The following ARHGEF17 variants were observed in gnomAD, a reference collection of about 807,000 sequenced individuals.
The protein encoded by ARHGEF17 is 164 kDa Rho-specific guanine-nucleotide exchange factor.
ARHGEF17 carries 80 observed loss-of-function variants against 174.0 expected under a neutral mutation model. That is an observed-to-expected ratio of 0.46 (90% CI 0.38 to 0.55). ARHGEF17 has a LOEUF of 0.55. Among genes scored for constraint, ARHGEF17 ranks in the 20% least tolerant of loss-of-function variants. The probability of loss-of-function intolerance (pLI) is 0.00; values close to 1 mark genes in which losing one functional copy is unlikely to be tolerated. For synonymous variants in ARHGEF17, 1,311 were observed against 1,189.1 expected, an observed-to-expected ratio of 1.10 and a Z score of -2.11; for missense variants, 2,886 against 2,839.7, an observed-to-expected ratio of 1.02 and a Z score of -0.37.
chr11:73,340,981 A>T (rs1022740603), intron 1 of ARHGEF17, among the ~76,000 whole-genome samples: 1 of 152,194 alleles, frequency 6.6e-6, no homozygotes, highest in South Asian at 2.1e-4. Context: ...TCTGCCTCTC[A>T]GTCAGTAACT....
At chr11:73,315,170 G>A (rs1164141754) in intron 1 of ARHGEF17, among the ~76,000 whole-genome samples, 5 of 152,192 alleles carry the variant, frequency 3.3e-5, no homozygotes, top group Admixed American at 2.0e-4. Context: ...AGATTGGCCT[G>A]CCATCTGAGT....
Position 73,363,742 on chromosome 11 carries a change from C to A in ARHGEF17, c.5247-5C>A, listed in dbSNP as rs1865788944. 7.4e-6 allele frequency: 12 copies of A among 1,613,924 alleles called. 1 individual carries two copies. In the East Asian group the frequency reaches 2.7e-4, roughly 36 times the overall value. On this transcript the variant is annotated splice_region_variant and splice_polypyrimidine_tract_variant and intron_variant, in intron 15 of 20. Coordinates refer to ENST00000263674, the MANE Select transcript of ARHGEF17 (RefSeq NM_014786.4). ...TTTGTCCCAGGTGCATACCCCGATC[C>A]ACAGTGTCCACGTGTACCAGTCCTC...
At position 73,363,376 on chromosome 11, in the gene ARHGEF17, C is replaced by T; in HGVS notation, c.5167C>T (p.Arg1723Trp). The change falls in exon 15 of 21, where the codon CGG becomes TGG. Residue 1723 changes from arginine to tryptophan, a missense_variant. By Grantham distance (101) the Arg-to-Trp change is moderately radical (BLOSUM62 -3). Coordinates refer to ENST00000263674, the MANE Select transcript of ARHGEF17 (RefSeq NM_014786.4). ...CCGCTCCAGCCACGGCTCCTTCACC[C>T]GGGGCAGCCTTGAGGACCTGCTGAG... Reference protein sequence around the residue: ...LRRSSHGSFTRGSLEDLLSVD... With the variant: ...LRRSSHGSFTWGSLEDLLSVD... 2.5e-6 allele frequency: 4 copies of T among 1,613,144 alleles called. No homozygotes were observed. The highest frequency in any genetic ancestry group is 3.4e-6 in the Non-Finnish European group (4 of 1,179,884).
chr11:73,354,750 A>G (rs1865609440), intron 3 of ARHGEF17, among the ~76,000 whole-genome samples: 1 of 151,632 alleles, frequency 6.6e-6, no homozygotes, highest in African/African-American at 2.4e-5. Context: ...TCTGAGGGGT[A>G]CAGAAATATC....
At position 73,362,044 on chromosome 11, in the gene ARHGEF17, C is replaced by G. The variant is rs887767761; in HGVS notation, c.4499C>G (p.Ser1500Cys). The G allele has an allele frequency of 6.2e-7, 1 of 1,611,658 alleles. No homozygotes were observed. The highest frequency in any genetic ancestry group is 1.1e-5 in the South Asian group (1 of 91,036). Residue 1500 changes from serine to cysteine, a missense_variant, in exon 13 of 21, where the codon TCC becomes TGC. Transcript: ENST00000263674. ...IMKTRSGMQF[S>C]CAAPTLNSCP... ...GTCCATTGGCGCCTCCTGCAGTTCT[C>G]CTGTGCGGCTCCCACCCTGAACAGC... is the stretch of plus-strand genomic sequence containing the variant.
chr11:73,362,975 G>A lies in ARHGEF17; in HGVS notation c.4997-231G>A, dbSNP rs150531059. On this transcript the variant is annotated intron_variant, in intron 14 of 20. Coordinates refer to ENST00000263674, the MANE Select transcript of ARHGEF17 (RefSeq NM_014786.4). ...GGAAGATGGGGTGCTGGTGGAGTGG[G>A]GACCCACGGTGTGGCCACTGGGTCT... 6.9e-3 allele frequency among the ~76,000 whole-genome samples: 1,047 copies of A among 152,330 alleles called. 17 individuals carry two copies. The highest frequency in any genetic ancestry group is 0.024 in the African/African-American group (1,006 of 41,574).
chr11:73,364,909 C>G, intron 18 of ARHGEF17: 1 of 359,220 alleles, frequency 2.8e-6, no homozygotes, highest in South Asian at 4.8e-5. Flanking sequence ...TGTCAACATC[C>G]ATTAGCATTA....
chr11:73,308,662 C>G lies in ARHGEF17; in HGVS notation c.24C>G (p.Pro8=), dbSNP rs376619433. ...CTATGGCGGACGGGGCACCCCGGCCCCAGCTTTACCGCAGCGTCTCGTTCA... is the reference window on the plus strand; with the variant it reads ...CTATGGCGGACGGGGCACCCCGGCCGCAGCTTTACCGCAGCGTCTCGTTCA... MADGAPR[P]QLYRSVSFKL... The change falls in exon 1 of 21, where the codon CCC becomes CCG. Residue 8 remains proline, a synonymous_variant. Coordinates refer to ENST00000263674, the MANE Select transcript of ARHGEF17 (RefSeq NM_014786.4). 1.0e-3 allele frequency: 1,526 copies of G among 1,513,106 alleles called. 3 individuals carry two copies. The highest frequency in any genetic ancestry group is 3.3e-3 in the Middle Eastern group (17 of 5,104). 93.7% of individuals were successfully genotyped at this position (1,513,106 alleles called of 1,614,324 possible). A position where few individuals can be genotyped will look rare whatever the true frequency, so the allele number is the denominator to read the frequency against.
chr11:73,363,088 G>A lies in ARHGEF17; in HGVS notation c.4997-118G>A, dbSNP rs553803097. ...CAGCAGACCGGAGCAGGCCGGGGAA[G>A]AACAGCTTTGAGAGGCCTTCCGGAG... is the stretch of plus-strand genomic sequence containing the variant. On this transcript the variant is annotated intron_variant, in intron 14 of 20. Coordinates refer to ENST00000263674, the MANE Select transcript of ARHGEF17 (RefSeq NM_014786.4). 2.9e-6 allele frequency: 4 copies of A among 1,367,634 alleles called. No homozygotes were observed. In the African/African-American group the frequency reaches 5.9e-5, roughly 20 times the overall value. The allele number at this position is 1,367,634 out of a possible 1,614,324, so 84.7% of individuals were successfully genotyped here. A position where few individuals can be genotyped will look rare whatever the true frequency, so the allele number is the denominator to read the frequency against.
In ARHGEF17 at chr11:73,309,287, T is replaced by C. The variant is rs1864758720; in HGVS notation, c.649T>C (p.Trp217Arg). 8 of 1,612,212 alleles carry C rather than the reference T, an allele frequency of 5.0e-6. No homozygotes were observed. The highest frequency in any genetic ancestry group is 6.8e-6 in the Non-Finnish European group (8 of 1,179,652). Residue 217 changes from tryptophan to arginine, a missense_variant, in exon 1 of 21, where the codon TGG (tryptophan) becomes CGG (arginine). By Grantham distance (101) the Trp-to-Arg change is moderately radical. Transcript: ENST00000263674. ...GCGTCCAGCGGATGGTTTACATTCT[T>C]GGCATATCTTCTCCCAACCGCAGGC... is the stretch of plus-strand genomic sequence containing the variant. ...AQRPADGLHS[W>R]HIFSQPQAGA...
intron 1 of ARHGEF17, among the ~76,000 whole-genome samples, chr11:73,318,434 C>T (rs774015748): frequency 6.6e-5 from 10 of 151,922 alleles, no homozygotes; most frequent in South Asian, 2.1e-4. Flanking sequence ...CCCAGGGGTT[C>T]GAGACCAGCC....
At chr11:73,332,321 C>T (rs1409020817) in intron 1 of ARHGEF17, among the ~76,000 whole-genome samples, 1 of 146,738 alleles carries the variant, frequency 6.8e-6, no homozygotes, top group Non-Finnish European at 1.5e-5. Context: ...TGTTAATGTT[C>T]TGGTATATTT....
chr11:73,362,483 C>A lies in ARHGEF17; in HGVS notation c.4745C>A (p.Ala1582Asp). 6.3e-7 allele frequency: 1 copy of A among 1,596,050 alleles called. No homozygotes were observed. The change falls in exon 14 of 21, where the codon GCC (alanine) becomes GAC (aspartate). Residue 1582 changes from alanine (A) to aspartate (D), a missense_variant. Physicochemically the swap from Ala to Asp is moderately radical, Grantham distance 126. This residue lies in a region of ARHGEF17 where 476 missense variants were observed against 473.1 expected (regional missense o/e 1.01). Transcript: ENST00000263674. ...RSPPETAPEPAGPELDVEAAA... is the reference protein window; with the variant it reads ...RSPPETAPEPDGPELDVEAAA... The stretch of plus-strand genomic sequence containing the variant: ...CCTCCAGAGACGGCACCGGAGCCCG[C>A]CGGGCCGGAGCTGGACGTCGAGGCC...
At chr11:73,363,140 C>T (rs1367119054) in intron 14 of ARHGEF17, 66 bp from the exon 15 acceptor site, 2 of 1,463,440 alleles carry the variant, frequency 1.4e-6, no homozygotes, top group Non-Finnish European at 1.8e-6. Context: ...GATGCATGGC[C>T]TAGAAAGATA....
chr11:73,339,147 A>T (rs1210805995), intron 1 of ARHGEF17, among the ~76,000 whole-genome samples: 1 of 152,150 alleles, frequency 6.6e-6, no homozygotes, highest in Non-Finnish European at 1.5e-5. Flanking sequence ...CACCTGCATC[A>T]TGCTTGCCAT....
Position 73,362,600 on chromosome 11 carries a change from C to G in ARHGEF17, c.4862C>G (p.Pro1621Arg), listed in dbSNP as rs367737746. The G allele has an allele frequency of 6.2e-7, 1 of 1,610,722 alleles. No homozygotes were observed. Among genetic ancestry groups the G allele is most frequent in the African/African-American group, 1.3e-5 (1 of 75,068 alleles). Residue 1621 changes from proline to arginine, a missense_variant, in exon 14 of 21, where the codon CCG becomes CGG. Pro to Arg is a moderately radical substitution (Grantham distance 103). Around this residue, in one of 4 missense-constraint regions of ARHGEF17, gnomAD observed 476 missense variants for 473.1 expected, o/e 1.01. Transcript: ENST00000263674. Reference protein sequence around the residue: ...SIAGSGLEMTPGLGEGDPRPE... With the variant: ...SIAGSGLEMTRGLGEGDPRPE... ...GCAGGCTCGGGCTTGGAGATGACGC[C>G]GGGCCTCGGCGAGGGTGACCCCCGC...
chr11:73,344,035 T>G (rs1354426708), intron 1 of ARHGEF17, among the ~76,000 whole-genome samples: 1 of 152,208 alleles, frequency 6.6e-6, no homozygotes, highest in Non-Finnish European at 1.5e-5. Context: ...TGGGTTGTGA[T>G]GCCCCAGTCA....
At position 73,308,905 on chromosome 11, in the gene ARHGEF17, C is replaced by T; in HGVS notation, c.267C>T (p.Phe89=). ...SPSVRQLSRR[F]DAPRLDDGSA... is the part of the protein sequence containing the mutation. ...CGGTTCGCCAGCTCTCCCGGCGCTT[C>T]GACGCGCCGCGTCTGGACGACGGCT... Residue 89 remains phenylalanine (F), a synonymous_variant, in exon 1 of 21, where the codon TTC becomes TTT. Coordinates refer to ENST00000263674, the MANE Select transcript of ARHGEF17 (RefSeq NM_014786.4). 2 of 1,364,706 alleles carry T rather than the reference C, an allele frequency of 1.5e-6. No individual in the cohort carries two copies. Among genetic ancestry groups the T allele is most frequent in the Non-Finnish European group, 1.9e-6 (2 of 1,065,112 alleles). The allele number at this position is 1,364,706 out of a possible 1,614,324, so 84.5% of individuals were successfully genotyped here.
chr11:73,361,950 C>G (rs1437158395), intron 12 of ARHGEF17, 90 bp from the exon 13 acceptor site: 2 of 1,474,230 alleles, frequency 1.4e-6, no homozygotes, highest in Non-Finnish European at 1.8e-6. Context: ...AGGCCTGCCT[C>G]CCTCCATTCT....
Sources: allele counts gnomAD v4.1 joint callset (sites outside exome capture counted in the v4.1 genomes callset), GRCh38; gene constraint gnomAD v4.1.1; regional missense constraint gnomAD v4.1.1; transcripts MANE v1.5; gene names NCBI Gene and HGNC (gene_info 2026-07-23, HGNC 2026-07-21).